EDIL3: variants seen among roughly 807,000 people sequenced by gnomAD.
The protein encoded by EDIL3 is EGF like and discoidin domains 3.
A neutral mutation model predicts 67.4 loss-of-function variants in EDIL3; 37 were observed. The observed-to-expected ratio is 0.55, with a 90% confidence interval of 0.42 to 0.72. The LOEUF is 0.72. EDIL3 is among the 30% of genes least tolerant of loss of function. The pLI is 0.00. For synonymous variants in EDIL3, 195 were observed against 196.3 expected (o/e 0.99, Z 0.05); for missense variants, 527 against 586.3 (o/e 0.90, Z 1.04).
chr5:84,160,933 T>G (rs889843245), intron 4 of EDIL3, among the ~76,000 whole-genome samples: 1 of 151,802 alleles, frequency 6.6e-6, no homozygotes, highest in East Asian at 1.9e-4. Context: ...TTTCTGAGAT[T>G]TGGTGCACCC....
intron 1 of EDIL3, among the ~76,000 whole-genome samples, chr5:84,368,554 C>A (rs1407753891): frequency 6.6e-6 from 1 of 151,904 alleles, no homozygotes; most frequent in Non-Finnish European, 1.5e-5. Flanking sequence ...AAAAATTTCA[C>A]AACATTAGAT....
At chr5:84,301,224 T>A (rs1194425263) in intron 1 of EDIL3, among the ~76,000 whole-genome samples, 1 of 148,000 alleles carries the variant, frequency 6.8e-6, no homozygotes, top group Non-Finnish European at 1.5e-5. Flanking sequence ...GCCCATATCA[T>A]GCCATTGCAC....
At chr5:84,380,814 T>C (rs896826943) in intron 1 of EDIL3, among the ~76,000 whole-genome samples, 3 of 152,096 alleles carry the variant, frequency 2.0e-5, no homozygotes, top group South Asian at 2.1e-4. Context: ...TTACTTTTAA[T>C]GGTATCGAGT....
At position 84,287,548 on chromosome 5, in the gene EDIL3, T is replaced by C. The variant is rs181921930; in HGVS notation, c.68-33336A>G. ...GGTTGAATTTTGAAATTAATGAAAC[T>C]ACACAAGCTTAATGAACATTAGGGA... On this transcript the variant is annotated intron_variant, in intron 1 of 10. Transcript: ENST00000296591. 3.7e-3 allele frequency among the ~76,000 whole-genome samples: 557 copies of C among 152,262 alleles called. 4 individuals are homozygous for C. The highest frequency in any genetic ancestry group is 0.024 in the South Asian group (118 of 4,824).
intron 1 of EDIL3, among the ~76,000 whole-genome samples, chr5:84,336,723 A>T (rs956455896): frequency 2.1e-4 from 32 of 152,164 alleles, no homozygotes; most frequent in African/African-American, 7.0e-4. Context: ...TACAGTAATA[A>T]TTGAGAGAAT....
At chr5:84,298,436 T>C (rs1248429728) in intron 1 of EDIL3, among the ~76,000 whole-genome samples, 1 of 151,994 alleles carries the variant, frequency 6.6e-6, no homozygotes, top group East Asian at 1.9e-4. Context: ...TGAGAAGACA[T>C]GGACACGGGG....
chr5:83,989,826 T>C (rs1745118607), intron 9 of EDIL3, among the ~76,000 whole-genome samples: 1 of 152,168 alleles, frequency 6.6e-6, no homozygotes, highest in Admixed American at 6.5e-5. Flanking sequence ...CTGAGCAGAC[T>C]GGAGCTAGAG....
intron 6 of EDIL3, among the ~76,000 whole-genome samples, chr5:84,085,093 G>A (rs1357181771): frequency 6.6e-6 from 1 of 152,188 alleles, no homozygotes; most frequent in African/African-American, 2.4e-5. Flanking sequence ...CTGTAAATGT[G>A]TGAAACATAC....
At chr5:84,137,395 A>G (rs1748112607) in intron 4 of EDIL3, 41 bp from the exon 5 acceptor site, 1 of 1,543,148 alleles carries the variant, frequency 6.5e-7, no homozygotes, top group African/African-American at 1.4e-5. Context: ...AATTATTGGT[A>G]AAAAATGATT....
chr5:83,951,225 G>T (rs894262999), intron 10 of EDIL3, among the ~76,000 whole-genome samples: 4 of 151,604 alleles, frequency 2.6e-5, no homozygotes, highest in African/African-American at 9.7e-5. Flanking sequence ...TGAATATATG[G>T]GTTCTCTAAA....
At chr5:84,086,397 G>A (rs1747072230) in intron 6 of EDIL3, among the ~76,000 whole-genome samples, 1 of 152,062 alleles carries the variant, frequency 6.6e-6, no homozygotes, top group African/African-American at 2.4e-5. Context: ...CCCTTGTTTT[G>A]GGGGAGGGCA....
chr5:84,310,443 A>C lies in EDIL3; in HGVS notation c.68-56231T>G, dbSNP rs372640523. Among the ~76,000 whole-genome samples the C allele has an allele frequency of 1.8e-4, 28 of 152,332 alleles. No homozygotes were observed. The East Asian group carries it at 4.6e-3, about 25-fold the overall frequency. ...AGTATGTTCCTTTTCCTTTTTGTTAAGACTGCAATTTTTAAGTCATTTAAA... is the reference window on the plus strand; with the variant it reads ...AGTATGTTCCTTTTCCTTTTTGTTACGACTGCAATTTTTAAGTCATTTAAA... On this transcript the variant is annotated intron_variant, in intron 1 of 10. Coordinates refer to ENST00000296591, the MANE Select transcript of EDIL3 (RefSeq NM_005711.5).
At chr5:84,123,387 C>T (rs766404904) in intron 5 of EDIL3, among the ~76,000 whole-genome samples, 1 of 151,970 alleles carries the variant, frequency 6.6e-6, no homozygotes, top group Non-Finnish European at 1.5e-5. Context: ...ATGTACACAA[C>T]AATCCTTAAA....
intron 3 of EDIL3, among the ~76,000 whole-genome samples, chr5:84,190,254 T>A (rs1743552390): frequency 1.3e-5 from 2 of 152,002 alleles, no homozygotes; most frequent in South Asian, 4.1e-4. Flanking sequence ...TCAAACAATT[T>A]TCCTCAAGCT....
chr5:83,959,197 G>GTA lies in EDIL3; in HGVS notation c.1293+4006_1293+4007dup, dbSNP rs371670321. Among the ~76,000 whole-genome samples the GTA allele has an allele frequency of 2.4e-3, 351 of 145,802 alleles. 9 individuals are homozygous for GTA. The East Asian group carries it at 0.041, about 17-fold the overall frequency. On this transcript the variant is annotated intron_variant, in intron 10 of 10. Transcript: ENST00000296591. The stretch of plus-strand genomic sequence containing the variant: ...AATACTCCTGTGTGTGTGTGGGTGT[G>GTA]TATATATATATATACATTATATACA...
At chr5:84,065,243 T>G (rs895315425) in intron 7 of EDIL3, among the ~76,000 whole-genome samples, 1 of 152,202 alleles carries the variant, frequency 6.6e-6, no homozygotes, top group Admixed American at 6.5e-5. Flanking sequence ...TCTTTGCTAC[T>G]GCTTCCGGAT....
At chr5:84,269,475 A>G (rs915801628) in intron 1 of EDIL3, among the ~76,000 whole-genome samples, 2 of 152,128 alleles carry the variant, frequency 1.3e-5, no homozygotes, top group Non-Finnish European at 2.9e-5. Flanking sequence ...AAAGAATACT[A>G]CTAATAGTAT....
intron 2 of EDIL3, among the ~76,000 whole-genome samples, chr5:84,240,530 C>T (rs990336004): frequency 1.2e-4 from 18 of 152,272 alleles, no homozygotes; most frequent in African/African-American, 4.3e-4. Flanking sequence ...CGCCTCCTCT[C>T]AGATCAGCAG....
At chr5:83,986,530 G>A (rs1055891889) in intron 9 of EDIL3, among the ~76,000 whole-genome samples, 2 of 152,008 alleles carry the variant, frequency 1.3e-5, no homozygotes, top group Non-Finnish European at 2.9e-5. Flanking sequence ...TGTTTACTCC[G>A]TTTTTATACT....
Sources: allele counts gnomAD v4.1 joint callset (sites outside exome capture counted in the v4.1 genomes callset), GRCh38; gene constraint gnomAD v4.1.1; transcripts MANE v1.5; gene names NCBI Gene and HGNC (gene_info 2026-07-23, HGNC 2026-07-21).